Variants in FHIT observed in about 807,000 individuals in gnomAD.
FHIT encodes the protein fragile histidine triad diadenosine triphosphatase.
FHIT carries 19 observed loss-of-function variants against 17.9 expected under a neutral mutation model. The observed-to-expected ratio is 1.06, with a 90% CI of 0.74 to 1.56. FHIT has a LOEUF of 1.56. Ranked by LOEUF, FHIT falls within the 40% of genes most tolerant of loss-of-function variation. The probability of loss-of-function intolerance (pLI) is 0.00; values close to 1 mark genes in which losing one functional copy is unlikely to be tolerated. For missense variants in FHIT, 248 were observed against 189.2 expected (o/e 1.31, Z -1.82); for synonymous variants, 81 against 69.7 (o/e 1.16, Z -0.81).
At chr3:60,954,272 G>A (rs1709018520) in intron 3 of FHIT, among the ~76,000 whole-genome samples, 1 of 152,172 alleles carries the variant, frequency 6.6e-6, no homozygotes, top group Admixed American at 6.5e-5. Flanking sequence ...TCATATGCAT[G>A]AATGTATATC....
At chr3:61,212,633 C>A (rs555147265) in intron 1 of FHIT, among the ~76,000 whole-genome samples, 1,810 of 152,106 alleles carry the variant, frequency 0.012, 19 homozygotes, top group Non-Finnish European at 0.016. Flanking sequence ...CAACATTCAG[C>A]TTCAGGAAAT....
intron 5 of FHIT, among the ~76,000 whole-genome samples, chr3:60,450,812 G>T (rs1478387098): frequency 6.6e-6 from 1 of 152,166 alleles, no homozygotes; most frequent in Non-Finnish European, 1.5e-5. Flanking sequence ...GAACCTGCTT[G>T]TAACGAGCCA....
intron 8 of FHIT, among the ~76,000 whole-genome samples, chr3:59,907,103 C>T (rs1173499369): frequency 6.6e-6 from 1 of 152,174 alleles, no homozygotes; most frequent in Non-Finnish European, 1.5e-5. Context: ...GAGCCTCAGG[C>T]AGAGGGAACT....
chr3:60,565,652 A>G (rs1447759816), intron 4 of FHIT, among the ~76,000 whole-genome samples: 1 of 152,204 alleles, frequency 6.6e-6, no homozygotes, highest in African/African-American at 2.4e-5. Context: ...TGCTCTCGTA[A>G]AAGTTTGTGA....
chr3:60,362,657 TA>T (rs1329542703), intron 5 of FHIT, among the ~76,000 whole-genome samples: 3 of 152,232 alleles, frequency 2.0e-5, no homozygotes, highest in Non-Finnish European at 2.9e-5. Context: ...CCTGTATTTT[TA>T]TCACCTACGT....
At chr3:60,396,099 C>T (rs764112357) in intron 5 of FHIT, among the ~76,000 whole-genome samples, 4 of 152,140 alleles carry the variant, frequency 2.6e-5, no homozygotes, top group Admixed American at 2.6e-4. Flanking sequence ...GAACTACCCC[C>T]ATGTGACAGG....
chr3:61,009,409 T>C (rs73104223), intron 3 of FHIT, among the ~76,000 whole-genome samples: 10,915 of 152,256 alleles, frequency 0.072, 542 homozygotes, highest in Middle Eastern at 0.11. Flanking sequence ...TCTTAAGAAA[T>C]AGGAGTCTTC....
intron 8 of FHIT, among the ~76,000 whole-genome samples, chr3:59,870,024 G>C (rs1394999971): frequency 6.6e-6 from 1 of 151,990 alleles, no homozygotes; most frequent in African/African-American, 2.4e-5. Context: ...CCTCATACCA[G>C]CAATTATTAT....
intron 5 of FHIT, among the ~76,000 whole-genome samples, chr3:60,376,815 T>C (rs1207388309): frequency 6.6e-6 from 1 of 152,178 alleles, no homozygotes; most frequent in Non-Finnish European, 1.5e-5. Flanking sequence ...TTTATTAAAA[T>C]AATACCATAC....
intron 3 of FHIT, among the ~76,000 whole-genome samples, chr3:61,003,292 C>T (rs1278929022): frequency 1.3e-5 from 2 of 152,120 alleles, no homozygotes; most frequent in Non-Finnish European, 2.9e-5. Flanking sequence ...AAGGGGCACG[C>T]CACACTGTTA....
chr3:60,409,693 T>C (rs942670665), intron 5 of FHIT, among the ~76,000 whole-genome samples: 3 of 152,202 alleles, frequency 2.0e-5, no homozygotes, highest in African/African-American at 4.8e-5. Context: ...AAAGTCATAC[T>C]TCCCTGAGAG....
intron 5 of FHIT, among the ~76,000 whole-genome samples, chr3:60,257,585 A>G (rs576658851): frequency 2.6e-5 from 4 of 152,312 alleles, no homozygotes; most frequent in Admixed American, 2.0e-4. Flanking sequence ...GTAACATGGC[A>G]TAGGGATTAA....
intron 7 of FHIT, among the ~76,000 whole-genome samples, chr3:59,925,935 T>C (rs930124305): frequency 2.6e-5 from 4 of 152,206 alleles, no homozygotes; most frequent in African/African-American, 9.6e-5. Flanking sequence ...ATAGCAGAGA[T>C]GAGGATAATT....
intron 5 of FHIT, among the ~76,000 whole-genome samples, chr3:60,254,890 G>T (rs1399185722): frequency 1.3e-5 from 2 of 152,120 alleles, no homozygotes; most frequent in African/African-American, 4.8e-5. Flanking sequence ...TATTCTTATG[G>T]TTGTGCTCAT....
intron 5 of FHIT, among the ~76,000 whole-genome samples, chr3:60,136,844 C>G (rs1699837524): frequency 2.0e-5 from 3 of 149,294 alleles, no homozygotes; most frequent in Admixed American, 1.3e-4. Flanking sequence ...TACAAACATG[C>G]CCTATGGATT....
At chr3:60,329,363 A>G (rs1546831) in intron 5 of FHIT, among the ~76,000 whole-genome samples, 62,593 of 152,080 alleles carry the variant, frequency 0.41, 13,660 homozygotes, top group South Asian at 0.58. Context: ...TCCTCACTAG[A>G]GACCCCTGGC....
intron 4 of FHIT, among the ~76,000 whole-genome samples, chr3:60,807,036 T>C (rs1266511882): frequency 6.6e-6 from 1 of 152,246 alleles, no homozygotes; most frequent in Admixed American, 6.5e-5. Flanking sequence ...TTAGCGCCAC[T>C]TCCATTCTCC....
At chr3:60,831,412 G>A (rs1263485265) in intron 3 of FHIT, among the ~76,000 whole-genome samples, 3 of 152,080 alleles carry the variant, frequency 2.0e-5, no homozygotes, top group African/African-American at 7.2e-5. Flanking sequence ...GGACTTGGCA[G>A]TTCAAAAAAA....
intron 5 of FHIT, among the ~76,000 whole-genome samples, chr3:60,077,010 C>A (rs1703037639): frequency 6.6e-6 from 1 of 152,114 alleles, no homozygotes; most frequent in South Asian, 2.1e-4. Flanking sequence ...TGCTAATAAT[C>A]TATTTATAAG....
Sources: allele counts gnomAD v4.1 joint callset (sites outside exome capture counted in the v4.1 genomes callset), GRCh38; gene constraint gnomAD v4.1.1; transcripts MANE v1.5; gene names NCBI Gene and HGNC (gene_info 2026-07-23, HGNC 2026-07-21).